The following WWOX variants were observed in gnomAD, a reference collection of about 807,000 sequenced individuals.
The protein encoded by WWOX is WW domain containing oxidoreductase.
A neutral mutation model predicts 46.2 loss-of-function variants in WWOX; 69 were observed. That is an observed-to-expected ratio of 1.49 (90% confidence interval 1.23 to 1.82). The LOEUF (loss-of-function observed/expected upper bound fraction) is 1.82. WWOX is among the 40% of genes most tolerant of loss of function. WWOX has a pLI of 0.00. For missense variants in WWOX, 919 were observed against 542.6 expected, an observed-to-expected ratio of 1.69 and a Z score of -6.89; for synonymous variants, 359 against 202.6, an observed-to-expected ratio of 1.77 and a Z score of -6.56.
chr16:78,771,315 A>G (rs1050918255), intron 8 of WWOX, among the ~76,000 whole-genome samples: 2 of 152,196 alleles, frequency 1.3e-5, no homozygotes, highest in Admixed American at 6.5e-5. Context: ...ACAGTGATCC[A>G]ACCCCCAGCT....
intron 8 of WWOX, among the ~76,000 whole-genome samples, chr16:78,545,333 G>A (rs901631555): frequency 7.9e-5 from 12 of 152,110 alleles, no homozygotes; most frequent in Non-Finnish European, 1.3e-4. Flanking sequence ...ATTGTGGCCT[G>A]CTCCTCGTGG....
At chr16:78,428,985 T>A (rs78286650) in intron 7 of WWOX, among the ~76,000 whole-genome samples, 154 of 152,356 alleles carry the variant, frequency 1.0e-3, no homozygotes, top group African/African-American at 3.6e-3. Context: ...CAAATTCTCA[T>A]CATGGGATTT....
intron 8 of WWOX, among the ~76,000 whole-genome samples, chr16:78,950,561 C>CAG (rs2046040199): frequency 6.7e-6 from 1 of 149,946 alleles, no homozygotes; most frequent in African/African-American, 2.4e-5. Context: ...CACACACACA[C>CAG]ACACGTTTCT....
chr16:78,403,688 C>G (rs1007507426), intron 6 of WWOX, among the ~76,000 whole-genome samples: 5 of 152,202 alleles, frequency 3.3e-5, no homozygotes, highest in Non-Finnish European at 7.4e-5. Flanking sequence ...TGAGGCACTG[C>G]TTCGCATGGG....
At chr16:78,235,353 A>G (rs969166728) in intron 5 of WWOX, among the ~76,000 whole-genome samples, 1 of 152,144 alleles carries the variant, frequency 6.6e-6, no homozygotes, top group African/African-American at 2.4e-5. Context: ...TGGTGGAGGG[A>G]AACAAGCCTG....
chr16:78,593,155 A>G (rs189085135), intron 8 of WWOX, among the ~76,000 whole-genome samples: 16 of 152,056 alleles, frequency 1.1e-4, no homozygotes, highest in African/African-American at 3.9e-4. Flanking sequence ...TCCCCACCCT[A>G]CCTTGCTCCC....
At chr16:78,276,446 C>T (rs2079580716) in intron 5 of WWOX, among the ~76,000 whole-genome samples, 1 of 152,194 alleles carries the variant, frequency 6.6e-6, no homozygotes. Flanking sequence ...ACAGCGATGT[C>T]AAGGAACAAT....
intron 4 of WWOX, among the ~76,000 whole-genome samples, chr16:78,158,909 C>T (rs2034692228): frequency 6.6e-6 from 1 of 152,096 alleles, no homozygotes; most frequent in Non-Finnish European, 1.5e-5. Flanking sequence ...AAACTTCATA[C>T]CCTTTGGCTA....
At position 78,382,989 on chromosome 16, in the gene WWOX, G is replaced by T. The variant is rs146450495; in HGVS notation, c.517-3871G>T. 3.7e-3 allele frequency among the ~76,000 whole-genome samples: 563 copies of T among 151,576 alleles called. 2 individuals are homozygous for T. Among genetic ancestry groups the T allele is most frequent in the African/African-American group, 0.013 (546 of 41,268 alleles). ...TCCAATCATGGCGAAGAGGAAGCAG[G>T]CAAATCTTAGCAGGAGCAGGAGGAC... On this transcript the variant is annotated intron_variant, in intron 5 of 8. Coordinates refer to ENST00000566780, the MANE Select transcript of WWOX (RefSeq NM_016373.4).
At chr16:78,190,503 G>A (rs2035851928) in intron 5 of WWOX, among the ~76,000 whole-genome samples, 1 of 152,176 alleles carries the variant, frequency 6.6e-6, no homozygotes, top group Non-Finnish European at 1.5e-5. Flanking sequence ...ATGCCTGCTG[G>A]GTACTGAGTG....
chr16:78,400,327 A>T (rs956686832), intron 6 of WWOX, among the ~76,000 whole-genome samples: 3 of 152,160 alleles, frequency 2.0e-5, no homozygotes, highest in African/African-American at 7.2e-5. Flanking sequence ...CACCAGGCTA[A>T]TAGAAAAGCA....
intron 8 of WWOX, among the ~76,000 whole-genome samples, chr16:78,779,218 C>G (rs544405662): frequency 6.6e-6 from 1 of 152,284 alleles, no homozygotes; most frequent in Admixed American, 6.5e-5. Flanking sequence ...GATCTTGGCT[C>G]AGTACAACAT....
intron 8 of WWOX, among the ~76,000 whole-genome samples, chr16:78,813,996 T>C (rs1446596700): frequency 6.6e-6 from 1 of 152,228 alleles, no homozygotes; most frequent in Non-Finnish European, 1.5e-5. Context: ...TCCGCTGGTT[T>C]AAGGCAACTG....
At chr16:78,311,245 C>G (rs1180816574) in intron 5 of WWOX, among the ~76,000 whole-genome samples, 1 of 152,128 alleles carries the variant, frequency 6.6e-6, no homozygotes, top group Non-Finnish European at 1.5e-5. Flanking sequence ...CAGTTGCATT[C>G]CCTGTATGTC....
chr16:78,580,390 A>C (rs1009878295), intron 8 of WWOX, among the ~76,000 whole-genome samples: 1 of 152,186 alleles, frequency 6.6e-6, no homozygotes, highest in Non-Finnish European at 1.5e-5. Context: ...AGAGGATTTC[A>C]GTCAATGCTG....
At chr16:78,801,818 G>A (rs1354983703) in intron 8 of WWOX, among the ~76,000 whole-genome samples, 2 of 152,150 alleles carry the variant, frequency 1.3e-5, no homozygotes, top group African/African-American at 2.4e-5. Context: ...TTAAAGCTGT[G>A]TAAGATATAC....
At chr16:79,101,768 A>G (rs2049200623) in intron 8 of WWOX, 1 of 150,258 alleles carries the variant, frequency 6.7e-6, no homozygotes, top group Admixed American at 6.6e-5. Flanking sequence ...AAGGACTAAT[A>G]CTTCCTGCTT....
In WWOX at chr16:78,109,790, G is replaced by T; in HGVS notation, c.185G>T (p.Gly62Val). The T allele has an allele frequency of 3.7e-6, 6 of 1,614,138 alleles. No homozygotes were observed. Among genetic ancestry groups the T allele is most frequent in the Non-Finnish European group, 5.1e-6 (6 of 1,180,036 alleles). Reference sequence around the variant, plus strand: ...TCTTGTGTTTCAGATTTGCCATACGGATGGGAACAAGAAACTGATGAGAAC... The same window carrying T: ...TCTTGTGTTTCAGATTTGCCATACGTATGGGAACAAGAAACTGATGAGAAC... ...RKRVAGDLPY[G>V]WEQETDENGQ... Residue 62 changes from glycine to valine, a missense_variant, in exon 3 of 9, where the codon GGA becomes GTA. Physicochemically the swap from Gly to Val is moderately radical, Grantham distance 109. Coordinates refer to ENST00000566780, the MANE Select transcript of WWOX (RefSeq NM_016373.4).
intron 5 of WWOX, among the ~76,000 whole-genome samples, chr16:78,201,854 C>G (rs1444619898): frequency 1.3e-5 from 2 of 151,992 alleles, no homozygotes; most frequent in East Asian, 1.9e-4. Flanking sequence ...CACGTGCCAC[C>G]ATGCCTGGCT....
Sources: allele counts gnomAD v4.1 joint callset (sites outside exome capture counted in the v4.1 genomes callset), GRCh38; gene constraint gnomAD v4.1.1; transcripts MANE v1.5; gene names NCBI Gene and HGNC (gene_info 2026-07-23, HGNC 2026-07-21).